Variants in PCDH9 observed in about 807,000 individuals in gnomAD.
PCDH9 encodes the protein protocadherin-9.
In PCDH9, 24 loss-of-function variants were observed where a neutral mutation model predicts 70.6. That is an observed-to-expected ratio of 0.34 (90% CI 0.25 to 0.48). PCDH9 has a LOEUF of 0.48. PCDH9 is among the 20% of genes least tolerant of loss of function. The pLI, the probability that PCDH9 is intolerant of heterozygous loss-of-function variation, is 0.99. For synonymous variants in PCDH9, 562 were observed against 558.5 expected (o/e 1.01, Z -0.09); for missense variants, 1,281 against 1,503.6 (o/e 0.85, Z 2.45).
At chr13:66,729,828 T>C (rs1280019881) in intron 3 of PCDH9, among the ~76,000 whole-genome samples, 1 of 152,154 alleles carries the variant, frequency 6.6e-6, no homozygotes, top group Non-Finnish European at 1.5e-5. Flanking sequence ...GATGATCCTC[T>C]ATCCTAATCA....
chr13:66,527,280 GA>G (rs1960259962), intron 4 of PCDH9, among the ~76,000 whole-genome samples: 1 of 150,030 alleles, frequency 6.7e-6, no homozygotes, highest in Admixed American at 6.7e-5. Flanking sequence ...AAAAAAAAAA[GA>G]AAAATTTCAG....
intron 3 of PCDH9, among the ~76,000 whole-genome samples, chr13:66,650,979 G>A (rs2077843502): frequency 6.6e-6 from 1 of 151,846 alleles, no homozygotes; most frequent in East Asian, 1.9e-4. Context: ...TTAAGTTCTT[G>A]AAACACATAA....
chr13:66,917,656 A>C (rs2082577930), intron 2 of PCDH9, among the ~76,000 whole-genome samples: 1 of 151,460 alleles, frequency 6.6e-6, no homozygotes, highest in Non-Finnish European at 1.5e-5. Context: ...AACATACGCA[A>C]GACAGAATCT....
intron 3 of PCDH9, among the ~76,000 whole-genome samples, chr13:66,666,672 T>C (rs949902011): frequency 6.6e-6 from 1 of 152,180 alleles, no homozygotes; most frequent in Non-Finnish European, 1.5e-5. Context: ...AGAATTGTTC[T>C]ACAATATGTC....
chr13:66,633,424 CTT>C (rs2138942028), intron 3 of PCDH9, among the ~76,000 whole-genome samples: 1 of 152,252 alleles, frequency 6.6e-6, no homozygotes, highest in East Asian at 1.9e-4. Context: ...TGTTTACTCT[CTT>C]ATATATATTT....
At chr13:66,659,518 A>G (rs2077976963) in intron 3 of PCDH9, among the ~76,000 whole-genome samples, 1 of 83,130 alleles carries the variant, frequency 1.2e-5, no homozygotes, top group African/African-American at 5.0e-5. Context: ...AATGTGGTTT[A>G]TCCCTCCACT....
At chr13:66,410,326 G>A (rs9529057) in intron 4 of PCDH9, among the ~76,000 whole-genome samples, 62,704 of 151,872 alleles carry the variant, frequency 0.41, 13,657 homozygotes, top group South Asian at 0.53. Flanking sequence ...CAAACCTATA[G>A]CATGTTCTTC....
chr13:67,208,126 T>C (rs1254446244), intron 2 of PCDH9: 1 of 152,204 alleles, frequency 6.6e-6, no homozygotes, highest in Non-Finnish European at 1.5e-5. Context: ...CAATGCTCTA[T>C]GAACTCACAG....
intron 2 of PCDH9, among the ~76,000 whole-genome samples, chr13:66,946,257 A>AACAAATATATACTCATT (rs1446118282): frequency 6.6e-6 from 1 of 152,174 alleles, no homozygotes; most frequent in African/African-American, 2.4e-5. Flanking sequence ...AGCAGCTGAG[A>AACAAATATATACTCATT]ACAAATATAT....
At chr13:66,927,703 C>T (rs2082738966) in intron 2 of PCDH9, among the ~76,000 whole-genome samples, 1 of 151,976 alleles carries the variant, frequency 6.6e-6, no homozygotes, top group Non-Finnish European at 1.5e-5. Flanking sequence ...ACATGTTCTT[C>T]CCTCCATGAG....
intron 2 of PCDH9, among the ~76,000 whole-genome samples, chr13:67,049,454 C>T (rs1398400188): frequency 6.6e-6 from 1 of 152,198 alleles, no homozygotes; most frequent in Non-Finnish European, 1.5e-5. Flanking sequence ...TCAGATTCTT[C>T]TTCCCAGCAA....
At chr13:66,669,122 C>T (rs1436387939) in intron 3 of PCDH9, among the ~76,000 whole-genome samples, 1 of 152,158 alleles carries the variant, frequency 6.6e-6, no homozygotes, top group Non-Finnish European at 1.5e-5. Flanking sequence ...CCTTGTGCAT[C>T]TCAGGCTACA....
At chr13:66,463,446 C>G (rs968514919) in intron 4 of PCDH9, among the ~76,000 whole-genome samples, 1 of 151,262 alleles carries the variant, frequency 6.6e-6, no homozygotes, top group African/African-American at 2.4e-5. Context: ...AATAACAAAA[C>G]AAGACAGAGC....
At chr13:66,717,246 A>G (rs1433793366) in intron 3 of PCDH9, among the ~76,000 whole-genome samples, 1 of 151,642 alleles carries the variant, frequency 6.6e-6, no homozygotes, top group African/African-American at 2.4e-5. Context: ...ACCTGAGGTC[A>G]GGAGTTCAAG....
chr13:66,341,061 A>T (rs1259628716), intron 4 of PCDH9, among the ~76,000 whole-genome samples: 1 of 152,186 alleles, frequency 6.6e-6, no homozygotes, highest in Admixed American at 6.5e-5. Flanking sequence ...AGTGCAAAGT[A>T]AAATGTATTG....
At chr13:67,178,232 A>T (rs931169636) in intron 2 of PCDH9, among the ~76,000 whole-genome samples, 1 of 152,110 alleles carries the variant, frequency 6.6e-6, no homozygotes, top group Admixed American at 6.6e-5. Flanking sequence ...GGGGAAAAAG[A>T]TACTATGAAA....
At chr13:66,592,144 A>C (rs1390609569) in intron 4 of PCDH9, among the ~76,000 whole-genome samples, 1 of 151,704 alleles carries the variant, frequency 6.6e-6, no homozygotes, top group Non-Finnish European at 1.5e-5. Context: ...TATAACCTGA[A>C]AGTGATTGGA....
chr13:66,424,692 AG>A (rs1957637524), intron 4 of PCDH9, among the ~76,000 whole-genome samples: 1 of 152,028 alleles, frequency 6.6e-6, no homozygotes, highest in Admixed American at 6.6e-5. Flanking sequence ...TTATATTACC[AG>A]AACAAAATCA....
intron 3 of PCDH9, among the ~76,000 whole-genome samples, chr13:66,802,848 G>A (rs2080348529): frequency 6.6e-6 from 1 of 151,946 alleles, no homozygotes. Context: ...GTTAAATAGG[G>A]TGACAGTGGG....
Sources: allele counts gnomAD v4.1 joint callset (sites outside exome capture counted in the v4.1 genomes callset), GRCh38; gene constraint gnomAD v4.1.1; transcripts MANE v1.5; gene names NCBI Gene and HGNC (gene_info 2026-07-23, HGNC 2026-07-21).